EEA1: variants seen among roughly 807,000 people sequenced by gnomAD.
The protein encoded by EEA1 is early endosome antigen 1.
A neutral mutation model predicts 209.2 loss-of-function variants in EEA1; 111 were observed. That is an observed-to-expected ratio of 0.53 (90% CI 0.45 to 0.62). The LOEUF is 0.62. Ranked by LOEUF, EEA1 falls within the 20% of genes least tolerant of loss-of-function variation. EEA1 has a pLI of 0.00. For missense variants in EEA1, 1,343 were observed against 1,530.8 expected (o/e 0.88, Z 2.05); for synonymous variants, 536 against 540.6 (o/e 0.99, Z 0.12).
chr12:92,916,089 T>C (rs1360679131), intron 1 of EEA1, among the ~76,000 whole-genome samples: 2 of 152,112 alleles, frequency 1.3e-5, no homozygotes, highest in Non-Finnish European at 2.9e-5. Flanking sequence ...AGTGAAATAA[T>C]AAAAGTTTTA....
At chr12:92,842,644 G>T (rs888687190) in intron 9 of EEA1, 63 bp from the exon 10 acceptor site, 4 of 1,002,256 alleles carry the variant, frequency 4.0e-6, no homozygotes, top group Admixed American at 5.8e-5. Context: ...TAAAAAAAAT[G>T]AAAGTATATA....
Position 92,853,910 on chromosome 12 carries a change from G to T in EEA1, c.406+5C>A. 1 of 1,599,352 alleles carries T rather than the reference G, an allele frequency of 6.3e-7. No homozygotes were observed. The stretch of plus-strand genomic sequence containing the variant: ...TGACAAAATATCTGCTTTAAGTAAA[G>T]TTACCTGCTGATGAATCAGTCACCA... On this transcript the variant is annotated splice_donor_5th_base_variant and intron_variant, in intron 6 of 28. Transcript: ENST00000322349.
intron 1 of EEA1, 150 bp from the exon 2 acceptor site, chr12:92,891,871 G>A (rs549438692): frequency 2.4e-5 from 13 of 553,098 alleles, no homozygotes; most frequent in Non-Finnish European, 3.8e-5. Flanking sequence ...ATGGAAGAGT[G>A]TACCTAATGC....
intron 5 of EEA1, 37 bp downstream of exon 5, chr12:92,857,238 A>G (rs1199616203): frequency 6.7e-7 from 1 of 1,492,948 alleles, no homozygotes; most frequent in South Asian, 1.3e-5. Flanking sequence ...AAAATAAACA[A>G]CTAATAAACA....
At chr12:92,812,416 T>A (rs2136675660) in intron 16 of EEA1, among the ~76,000 whole-genome samples, 1 of 151,974 alleles carries the variant, frequency 6.6e-6, no homozygotes, top group South Asian at 2.1e-4. Flanking sequence ...CTAAGAAAAA[T>A]CTACCAGCAA....
Position 92,788,007 on chromosome 12 carries a change from C to A in EEA1, c.3010G>T (p.Ala1004Ser). ...NKLQQQLTQA[A>S]QELAAEKEKI... Reference sequence around the variant, plus strand: ...TCTTTCTCTGCTGCAAGTTCCTGGGCTGCCTGTGTTAACTGCTGCTGTAGT... The same window carrying A: ...TCTTTCTCTGCTGCAAGTTCCTGGGATGCCTGTGTTAACTGCTGCTGTAGT... The change falls in exon 22 of 29, where the codon GCC becomes TCC. Residue 1004 changes from alanine to serine, a missense_variant. By Grantham distance (99) the Ala-to-Ser change is moderately conservative. This residue lies in a region of EEA1 where 1,307 missense variants were observed against 1,465.5 expected (regional missense o/e 0.89). Transcript: ENST00000322349. 6.2e-7 allele frequency: 1 copy of A among 1,609,466 alleles called. No homozygotes were observed. Among genetic ancestry groups the A allele is most frequent in the Non-Finnish European group, 8.5e-7 (1 of 1,177,888 alleles).
chr12:92,899,088 T>C (rs1459492070), intron 1 of EEA1, among the ~76,000 whole-genome samples: 7 of 145,910 alleles, frequency 4.8e-5, no homozygotes, highest in Non-Finnish European at 1.0e-4. Context: ...TTCAATAAAG[T>C]ACTAAAGATG....
chr12:92,927,484 G>C (rs1360718535), intron 1 of EEA1, among the ~76,000 whole-genome samples: 1 of 152,062 alleles, frequency 6.6e-6, no homozygotes, highest in African/African-American at 2.4e-5. Flanking sequence ...ATATAATCTC[G>C]ATGTTTAACT....
At chr12:92,883,896 G>T in intron 2 of EEA1, 1 of 1,588,924 alleles carries the variant, frequency 6.3e-7, no homozygotes. Flanking sequence ...GAACGCTCAC[G>T]GACTGTGTGG....
At chr12:92,911,946 T>C (rs1234643066) in intron 1 of EEA1, among the ~76,000 whole-genome samples, 2 of 152,214 alleles carry the variant, frequency 1.3e-5, no homozygotes, top group Non-Finnish European at 2.9e-5. Context: ...TGAAAAACAA[T>C]TAAGTCTTTA....
intron 1 of EEA1, among the ~76,000 whole-genome samples, chr12:92,901,791 A>C (rs1281275285): frequency 2.0e-5 from 3 of 151,428 alleles, no homozygotes; most frequent in Non-Finnish European, 4.4e-5. Flanking sequence ...CTGGTCACAA[A>C]CTCCTGACAT....
intron 11 of EEA1, among the ~76,000 whole-genome samples, chr12:92,832,095 A>G (rs74904046): frequency 7.4e-6 from 1 of 135,470 alleles, no homozygotes; most frequent in Non-Finnish European, 1.5e-5. Context: ...CTCCGTCTCA[A>G]AAAAAAAAAA....
chr12:92,817,969 C>T (rs1875872484), intron 14 of EEA1, among the ~76,000 whole-genome samples: 1 of 152,278 alleles, frequency 6.6e-6, no homozygotes, highest in Non-Finnish European at 1.5e-5. Flanking sequence ...GGAACCTGAA[C>T]ATCTTCCAGC....
chr12:92,880,307 GTTT>G (rs1311663127), intron 2 of EEA1, among the ~76,000 whole-genome samples: 3 of 152,196 alleles, frequency 2.0e-5, no homozygotes, highest in African/African-American at 7.2e-5. Flanking sequence ...ACAATCCAAT[GTTT>G]TTGTTTTTTT....
intron 1 of EEA1, among the ~76,000 whole-genome samples, chr12:92,925,904 A>T (rs1201503840): frequency 6.6e-6 from 1 of 152,216 alleles, no homozygotes; most frequent in Non-Finnish European, 1.5e-5. Flanking sequence ...CTTTTAAAAA[A>T]TGCTATTTAA....
chr12:92,864,311 A>G (rs530333937), intron 3 of EEA1, among the ~76,000 whole-genome samples: 1 of 152,272 alleles, frequency 6.6e-6, no homozygotes, highest in South Asian at 2.1e-4. Context: ...ATAAAAGACA[A>G]GAGTTCTCTC....
At chr12:92,899,091 TA>T (rs1366830299) in intron 1 of EEA1, among the ~76,000 whole-genome samples, 1 of 143,742 alleles carries the variant, frequency 7.0e-6, no homozygotes, top group Non-Finnish European at 1.5e-5. Flanking sequence ...AATAAAGTAC[TA>T]AAGATGAAGA....
rs202210152 is a variant in EEA1 at position 92,827,915 on chromosome 12, C to T, written c.1401G>A (p.Glu467=). ...TAAATTGAAAATGCTAGCTTACCTG[C>T]TCTTCTAACCGAGAAAGTTTGAGTT... ...DLQLKLSRLE[E]QLKEKVTNST... Residue 467 remains glutamate (E), a synonymous_variant, in exon 12 of 29, where the codon GAG becomes GAA. Transcript: ENST00000322349. 1 of 1,557,900 alleles carries T rather than the reference C, an allele frequency of 6.4e-7. No individual in the cohort carries two copies. The highest frequency in any genetic ancestry group is 2.4e-5 in the East Asian group (1 of 41,622).
intron 5 of EEA1, among the ~76,000 whole-genome samples, chr12:92,856,220 T>C (rs1052543465): frequency 1.3e-5 from 2 of 152,318 alleles, no homozygotes; most frequent in South Asian, 2.1e-4. Flanking sequence ...ATGATGACTA[T>C]GGTAAAATTA....
Sources: allele counts gnomAD v4.1 joint callset (sites outside exome capture counted in the v4.1 genomes callset), GRCh38; gene constraint gnomAD v4.1.1; regional missense constraint gnomAD v4.1.1; transcripts MANE v1.5; gene names NCBI Gene and HGNC (gene_info 2026-07-23, HGNC 2026-07-21).